The following FER1L5 variants were observed in gnomAD, a reference collection of about 807,000 sequenced individuals.
FER1L5 encodes fer-1-like protein 5.
FER1L5 carries 187 observed loss-of-function variants against 279.9 expected under a neutral mutation model. The ratio of observed to expected loss-of-function variants is 0.67; its 90% confidence interval spans 0.59 to 0.75. The LOEUF (loss-of-function observed/expected upper bound fraction) is 0.75. FER1L5 is among the 30% of genes least tolerant of loss of function. The pLI is 0.00. For synonymous variants in FER1L5, 921 were observed against 989.7 expected, an observed-to-expected ratio of 0.93 and a Z score of 1.30; for missense variants, 2,091 against 2,594.4, an observed-to-expected ratio of 0.81 and a Z score of 4.21.
At chr2:96,681,747 C>G (rs1431542927) in intron 19 of FER1L5, among the ~76,000 whole-genome samples, 2 of 151,350 alleles carry the variant, frequency 1.3e-5, no homozygotes, top group African/African-American at 4.9e-5. Context: ...ATCCTTTCTA[C>G]TACTGAGAGA....
At position 96,699,628 on chromosome 2, in the gene FER1L5, T is replaced by G; in HGVS notation, c.4689T>G (p.Pro1563=). Residue 1563 remains proline (P), a synonymous_variant, in exon 43 of 53, where the codon CCT becomes CCG. Coordinates refer to ENST00000624922, the MANE Select transcript of FER1L5 (RefSeq NM_001293083.2). The part of the protein sequence containing the change: ...IQLYDFDLFS[P]DDKIGTTVID... The stretch of plus-strand genomic sequence containing the variant: ...TCTATGACTTCGACCTATTTTCACC[T>G]GATGATAAGATAGGAACCACAGTCA... The G allele has an allele frequency of 6.2e-7, 1 of 1,614,018 alleles. No individual in the cohort carries two copies. Among genetic ancestry groups the G allele is most frequent in the Non-Finnish European group, 8.5e-7 (1 of 1,179,882 alleles).
At chr2:96,662,589 A>G (rs7605469) in intron 13 of FER1L5, among the ~76,000 whole-genome samples, 15,368 of 152,230 alleles carry the variant, frequency 0.1, 1,716 homozygotes, top group African/African-American at 0.28. Flanking sequence ...AGAGTTGCTG[A>G]CATTCCATGA....
chr2:96,672,498 G>T (rs771885647), intron 18 of FER1L5, among the ~76,000 whole-genome samples: 1 of 152,078 alleles, frequency 6.6e-6, no homozygotes, highest in Non-Finnish European at 1.5e-5. Flanking sequence ...TGAACAGACC[G>T]GGGGAATGCA....
chr2:96,659,290 TTTCCTTCCTTCCTTCCTTCCTTCC>T (rs1179676955), intron 9 of FER1L5, among the ~76,000 whole-genome samples: 3 of 81,030 alleles, frequency 3.7e-5, no homozygotes, highest in Non-Finnish European at 8.1e-5. Context: ...TTTATCAAGC[TTTCCTTCCTTCCTTCCTTCCTTCC>T]TTCCTTCCTT....
chr2:96,700,287 G>T, intron 44 of FER1L5, 45 bp from the exon 45 acceptor site: 1 of 1,607,204 alleles, frequency 6.2e-7, no homozygotes, highest in South Asian at 1.1e-5. Context: ...AGATAGGAAG[G>T]CTAATGACCT....
chr2:96,691,749 G>A lies in FER1L5; in HGVS notation c.3076-76G>A. 1 of 1,551,482 alleles carries A rather than the reference G, an allele frequency of 6.4e-7. No homozygotes were observed. Among genetic ancestry groups the A allele is most frequent in the South Asian group, 1.2e-5 (1 of 83,992 alleles). On this transcript the variant is annotated intron_variant, in intron 29 of 52. Coordinates refer to ENST00000624922, the MANE Select transcript of FER1L5 (RefSeq NM_001293083.2). This position sits in a 1 kb window ranked among gnomAD's most constrained non-coding sequence, Gnocchi z 6.0. The stretch of plus-strand genomic sequence containing the variant: ...CTTGCGAGGGTGGCAGTGTGAGGGA[G>A]GAGGGTGACTGGGCCTGGGCTAGAG...
chr2:96,660,609 C>T (rs1194488686), intron 10 of FER1L5, among the ~76,000 whole-genome samples: 1 of 152,206 alleles, frequency 6.6e-6, no homozygotes, highest in Non-Finnish European at 1.5e-5. Context: ...GGCTGGAGTG[C>T]AGTGGCTCAA....
chr2:96,662,035 C>G (rs1032329701), intron 12 of FER1L5, among the ~76,000 whole-genome samples, 180 bp from the exon 13 acceptor site: 2 of 152,100 alleles, frequency 1.3e-5, no homozygotes, highest in Non-Finnish European at 2.9e-5. Context: ...CTCCCTATGT[C>G]CCCCCACCCC....
At position 96,647,826 on chromosome 2, in the gene FER1L5, A is replaced by G; in HGVS notation, c.279A>G (p.Pro93=). The change falls in exon 4 of 53, where the codon CCA becomes CCG. Residue 93 remains proline (P), a synonymous_variant. Transcript: ENST00000624922. ...TGCTCAAGCCATTGTTGAAACAACC[A>G]AGTGAGGTCCTTTTTGTGAAGGACT... ...TVLLKPLLKQ[P]SEVLFVKDLT... is the part of the protein sequence containing the mutation. The G allele has an allele frequency of 6.4e-7, 1 of 1,551,826 alleles. No homozygotes were observed. Among genetic ancestry groups the G allele is most frequent in the Non-Finnish European group, 8.7e-7 (1 of 1,147,020 alleles).
At position 96,673,204 on chromosome 2, in the gene FER1L5, A is replaced by G; in HGVS notation, c.1619A>G (p.Asn540Ser). The G allele has an allele frequency of 6.4e-7, 1 of 1,551,608 alleles. No individual in the cohort carries two copies. ...CACTATGGGAACAAGATGGACCTGA[A>G]TTACAAGCCTCTAGTCTCAAGCACA... ...IGHYGNKMDL[N>S]YKPLVSSTPY... Residue 540 changes from asparagine to serine, a missense_variant, in exon 19 of 53, where the codon AAT (asparagine) becomes AGT (serine). Coordinates refer to ENST00000624922, the MANE Select transcript of FER1L5 (RefSeq NM_001293083.2).
At chr2:96,659,175 C>T (rs973500357) in intron 9 of FER1L5, among the ~76,000 whole-genome samples, 8 of 151,034 alleles carry the variant, frequency 5.3e-5, no homozygotes, top group Middle Eastern at 3.2e-3. Flanking sequence ...CCTCGTGATC[C>T]GCCTGCCTCA....
chr2:96,688,641 T>A (rs890873653), intron 24 of FER1L5, among the ~76,000 whole-genome samples: 10 of 152,120 alleles, frequency 6.6e-5, no homozygotes, highest in Admixed American at 2.0e-4. Flanking sequence ...CTAAGTTGCA[T>A]GTGTAGATGG....
rs1369359100 is a variant in FER1L5 at position 96,694,828 on chromosome 2, C to T, written c.3741+364C>T. On this transcript the variant is annotated intron_variant, in intron 34 of 52. Transcript: ENST00000624922. This position sits in a 1 kb window ranked among gnomAD's most constrained non-coding sequence, Gnocchi z 4.6. ...GGACTAACTGACAGGGCCATTTAGG[C>T]CCAGCCCTGTCTGACTGCAGATGCC... 2 of 171,952 alleles carry T rather than the reference C, an allele frequency of 1.2e-5. No homozygotes were observed. The highest frequency in any genetic ancestry group is 3.1e-4 in the East Asian group (2 of 6,410). The allele number at this position is 171,952 out of a possible 1,614,324, so 10.7% of individuals were successfully genotyped here.
At position 96,704,734 on chromosome 2, in the gene FER1L5, C is replaced by CAAGGGGAGGGCTGT; in HGVS notation, c.*42_*43insAAGGGGAGGGCTGT. ...GGCTTTCCTCCTGCTACCAACAGCC[C>CAAGGGGAGGGCTGT]TCCCCTTGGGCTGGCTACCAGTTCT... On this transcript the variant is annotated 3_prime_UTR_variant, in exon 53 of 53. Coordinates refer to ENST00000624922, the MANE Select transcript of FER1L5 (RefSeq NM_001293083.2). 6.6e-7 allele frequency: 1 copy of CAAGGGGAGGGCTGT among 1,523,850 alleles called. No individual in the cohort carries two copies. Among genetic ancestry groups the CAAGGGGAGGGCTGT allele is most frequent in the Non-Finnish European group, 9.1e-7 (1 of 1,099,954 alleles). The allele number at this position is 1,523,850 out of a possible 1,614,324, so 94.4% of individuals were successfully genotyped here. A position where few individuals can be genotyped will look rare whatever the true frequency, so the allele number is the denominator to read the frequency against.
Position 96,649,779 on chromosome 2 carries a change from C to A in FER1L5, c.394+102C>A, listed in dbSNP as rs1240976638. The A allele has an allele frequency of 3.4e-6, 4 of 1,168,678 alleles. No homozygotes were observed. The East Asian group carries it at 7.7e-5, about 22-fold the overall frequency. 72.4% of individuals were successfully genotyped at this position (1,168,678 alleles called of 1,614,324 possible). On this transcript the variant is annotated intron_variant, in intron 5 of 52. Coordinates refer to ENST00000624922, the MANE Select transcript of FER1L5 (RefSeq NM_001293083.2). ...ACCTTCAAAACCCAGCCCTTGAGGC[C>A]TACAGAAGGAATGTGACCAGGCTAG...
chr2:96,662,137 A>G (rs1024216230), intron 12 of FER1L5, 78 bp from the exon 13 acceptor site: 2 of 1,415,710 alleles, frequency 1.4e-6, no homozygotes, highest in Admixed American at 2.0e-5. Flanking sequence ...GAGGGTTTTC[A>G]GTTGTTCTGT....
At chr2:96,686,925 G>T (rs1398185681) in intron 23 of FER1L5, among the ~76,000 whole-genome samples, 1 of 150,518 alleles carries the variant, frequency 6.6e-6, no homozygotes, top group Non-Finnish European at 1.5e-5. Flanking sequence ...GCCACCATTT[G>T]GTCCAGCCCC....
chr2:96,660,424 G>A, intron 10 of FER1L5, 53 bp downstream of exon 10: 1 of 1,522,232 alleles, frequency 6.6e-7, no homozygotes, highest in Non-Finnish European at 8.9e-7. Context: ...ATCAGGCCAA[G>A]GGTCAGAATA....
At chr2:96,663,398 A>C (rs1558862522) in intron 13 of FER1L5, 41 bp from the exon 14 acceptor site, 2 of 1,540,004 alleles carry the variant, frequency 1.3e-6, no homozygotes, top group Non-Finnish European at 1.8e-6. Context: ...TGGAGGGAGG[A>C]GGGGGCAGGC....
Sources: allele counts gnomAD v4.1 joint callset (sites outside exome capture counted in the v4.1 genomes callset), GRCh38; gene constraint gnomAD v4.1.1; non-coding constraint Gnocchi (gnomAD v3.1); transcripts MANE v1.5; gene names NCBI Gene and HGNC (gene_info 2026-07-23, HGNC 2026-07-21).